BRD4: variants seen among roughly 807,000 people sequenced by gnomAD.
The protein encoded by BRD4 is bromodomain containing 4, also known as bromodomain-containing protein 4.
Under a neutral mutation model 142.1 loss-of-function variants are expected in BRD4, and 16 were observed. The ratio of observed to expected loss-of-function variants is 0.11; its 90% CI spans 0.08 to 0.17. BRD4 has a LOEUF of 0.17. Ranked by LOEUF, BRD4 falls within the 10% of genes least tolerant of loss-of-function variation. The pLI is 1.00. For missense variants in BRD4, 1,424 were observed against 1,810.9 expected, an observed-to-expected ratio of 0.79 and a Z score of 3.88; for synonymous variants, 833 against 707.5, an observed-to-expected ratio of 1.18 and a Z score of -2.82.
chr19:15,248,296 T>C (rs1375195246), intron 11 of BRD4: 1 of 216,058 alleles, frequency 4.6e-6, no homozygotes, highest in Non-Finnish European at 9.3e-6. Flanking sequence ...GCTGTCGTCA[T>C]TCTAAGGGAC....
intron 8 of BRD4, 72 bp downstream of exon 8, chr19:15,256,892 T>C (rs1241120834): frequency 8.1e-6 from 11 of 1,361,224 alleles, no homozygotes; most frequent in South Asian, 1.4e-5. Context: ...GAACATCTCT[T>C]AGAAACTTCT....
At chr19:15,251,068 C>G (rs1184961765) in intron 11 of BRD4, among the ~76,000 whole-genome samples, 1 of 152,208 alleles carries the variant, frequency 6.6e-6, no homozygotes, top group Non-Finnish European at 1.5e-5. Flanking sequence ...AGTGGTAGGG[C>G]TGGCCCACTG....
rs187083313 is a variant in BRD4, at chr19:15,238,314, C to T, written c.*63G>A. The T allele has an allele frequency of 8.1e-6, 13 of 1,608,652 alleles. No homozygotes were observed. In the East Asian group the frequency reaches 2.9e-4, roughly 36 times the overall value. ...CGCTGATCCCACCTCCACCACCGCC[C>T]CTAACACTATGGAAAGTCAATGTTT... On this transcript the variant is annotated 3_prime_UTR_variant, in exon 20 of 20. Transcript: ENST00000679869. The surrounding 1 kb of genome is among the most constrained non-coding windows in gnomAD (Gnocchi z 7.2).
chr19:15,318,926 G>A (rs955459004), intron 1 of BRD4, among the ~76,000 whole-genome samples: 25 of 152,204 alleles, frequency 1.6e-4, no homozygotes, highest in African/African-American at 3.6e-4. Context: ...CTGTTGACAC[G>A]TTACCTGACA....
intron 1 of BRD4, among the ~76,000 whole-genome samples, chr19:15,305,432 C>T (rs754013961): frequency 2.0e-4 from 30 of 152,196 alleles, no homozygotes; most frequent in Non-Finnish European, 3.5e-4. Flanking sequence ...AAAACATTCA[C>T]CTCCTTGTGC....
chr19:15,247,612 A>T (rs1443395039), intron 11 of BRD4: 3 of 232,810 alleles, frequency 1.3e-5, no homozygotes, highest in African/African-American at 4.4e-5. Flanking sequence ...GACACTGGTA[A>T]TCAGGCTGCC....
chr19:15,252,747 T>C (rs1445481031), intron 11 of BRD4, among the ~76,000 whole-genome samples: 6 of 152,106 alleles, frequency 3.9e-5, no homozygotes, highest in Non-Finnish European at 8.8e-5. Flanking sequence ...GCAGTTGTGG[T>C]AGAGAATGTG....
intron 10 of BRD4, 56 bp from the exon 11 acceptor site, chr19:15,254,318 C>T: frequency 6.9e-7 from 1 of 1,454,124 alleles, no homozygotes; most frequent in East Asian, 2.3e-5. Context: ...GGAAGCCGCT[C>T]TAAGCCATGG....
intron 1 of BRD4, among the ~76,000 whole-genome samples, chr19:15,294,233 C>T (rs535184751): frequency 1.3e-5 from 2 of 152,368 alleles, no homozygotes; most frequent in South Asian, 4.1e-4. Context: ...GCGAAATGTT[C>T]TTGTTCCCTT....
intron 1 of BRD4, among the ~76,000 whole-genome samples, chr19:15,305,859 T>C (rs1236473261): frequency 1.3e-5 from 2 of 152,276 alleles, no homozygotes; most frequent in African/African-American, 4.8e-5. Flanking sequence ...TTATCAATTA[T>C]CTTAGCTAGA....
chr19:15,276,656 C>A (rs867986508), intron 1 of BRD4, among the ~76,000 whole-genome samples: 1 of 152,164 alleles, frequency 6.6e-6, no homozygotes, highest in East Asian at 1.9e-4. Context: ...AGTGACCATA[C>A]CCACATTGTC....
intron 1 of BRD4, among the ~76,000 whole-genome samples, chr19:15,274,515 G>C (rs1300180511): frequency 6.6e-6 from 1 of 152,244 alleles, no homozygotes; most frequent in African/African-American, 2.4e-5. Flanking sequence ...ACATATAGCT[G>C]ATGCTGCGCA....
intron 1 of BRD4, among the ~76,000 whole-genome samples, chr19:15,315,465 G>A (rs375821325): frequency 2.6e-5 from 4 of 152,238 alleles, no homozygotes; most frequent in African/African-American, 2.4e-5. Flanking sequence ...TGGTGTGCCT[G>A]AGGCAGGCAG....
At chr19:15,330,051 A>G (rs905305341) in intron 1 of BRD4, among the ~76,000 whole-genome samples, 1 of 152,244 alleles carries the variant, frequency 6.6e-6, no homozygotes, top group Non-Finnish European at 1.5e-5. Flanking sequence ...GCACCCCAGA[A>G]CAGCCAAACA....
chr19:15,282,751 C>T (rs1310036745), intron 1 of BRD4, among the ~76,000 whole-genome samples: 2 of 152,164 alleles, frequency 1.3e-5, no homozygotes, highest in Non-Finnish European at 2.9e-5. Context: ...TACACCTTTT[C>T]AGCTATTCAT....
chr19:15,244,475 C>T lies in BRD4; in HGVS notation c.2337G>A (p.Pro779=), dbSNP rs199759820. The T allele has an allele frequency of 5.9e-5, 8 of 136,476 alleles. No individual in the cohort carries two copies. The highest frequency in any genetic ancestry group is 5.7e-4 in the East Asian group (2 of 3,486). 8.5% of individuals were successfully genotyped at this position (136,476 alleles called of 1,614,324 possible). A position where few individuals can be genotyped will look rare whatever the true frequency, so the allele number is the denominator to read the frequency against. ...PPQQQQQPPP[P]PPPPSMPQQA... is the part of the protein sequence containing the mutation. ...GCTGCGGCATGGAGGGTGGGGGAGG[C>T]GGGGGTGGCGGCTGCTGTTGCTGCT... Residue 779 remains proline (P), a synonymous_variant, in exon 13 of 20, where the codon CCG becomes CCA. Transcript: ENST00000679869.
intron 7 of BRD4, among the ~76,000 whole-genome samples, chr19:15,262,509 C>G (rs150445397): frequency 1.8e-5 from 2 of 109,976 alleles, no homozygotes; most frequent in South Asian, 2.9e-4. Flanking sequence ...TGCAACATGG[C>G]AAAACCCATC....
intron 4 of BRD4, among the ~76,000 whole-genome samples, chr19:15,266,977 G>C (rs2047541313): frequency 6.6e-6 from 1 of 152,130 alleles, no homozygotes; most frequent in Admixed American, 6.5e-5. Flanking sequence ...TCAGAAGCAG[G>C]GATAACTCTG....
At chr19:15,309,410 AAAG>A (rs2047947008) in intron 1 of BRD4, among the ~76,000 whole-genome samples, 1 of 152,134 alleles carries the variant, frequency 6.6e-6, no homozygotes, top group Admixed American at 6.5e-5. Context: ...CTATCATCTA[AAAG>A]ACAAACAACA....
Sources: gnomAD v4.1 joint callset for allele counts (sites outside exome capture counted in the v4.1 genomes callset) on GRCh38, gnomAD v4.1.1 for gene constraint, Gnocchi (gnomAD v3.1) non-coding constraint, MANE v1.5 for transcripts, NCBI Gene and HGNC (gene_info 2026-07-23, HGNC 2026-07-21) for gene names.